MIA2: variants seen among roughly 807,000 people sequenced by gnomAD.
MIA2 encodes the protein melanoma inhibitory activity protein 2.
A neutral mutation model predicts 167.8 loss-of-function variants in MIA2; 127 were observed. The ratio of observed to expected loss-of-function variants is 0.76; its 90% CI spans 0.66 to 0.88. The LOEUF is 0.88. Ranked by LOEUF, MIA2 falls within the 40% of genes least tolerant of loss-of-function variation. The pLI, the probability that MIA2 is intolerant of heterozygous loss-of-function variation, is 0.00. For synonymous variants in MIA2, 552 were observed against 541.9 expected (o/e 1.02, Z -0.26); for missense variants, 1,690 against 1,624.7 (o/e 1.04, Z -0.69).
chr14:39,349,458 T>C (rs988796072), intron 28 of MIA2, among the ~76,000 whole-genome samples: 6 of 152,232 alleles, frequency 3.9e-5, no homozygotes, highest in Non-Finnish European at 5.9e-5. Flanking sequence ...TTGAATTCTT[T>C]TAAAGCTTCA....
chr14:39,350,373 A>G lies in MIA2; in HGVS notation c.*109A>G, dbSNP rs2074255774. ...TTTGCTCAAATTGAAGCTTAATGGAATTATAATTCTCAGGATAGTATTTTG... is the reference window on the plus strand; with the variant it reads ...TTTGCTCAAATTGAAGCTTAATGGAGTTATAATTCTCAGGATAGTATTTTG... On this transcript the variant is annotated 3_prime_UTR_variant, in exon 29 of 29. Coordinates refer to ENST00000640607, the MANE Select transcript of MIA2 (RefSeq NM_001329214.4). The G allele has an allele frequency of 7.5e-6, 4 of 532,498 alleles. No individual in the cohort carries two copies. Among genetic ancestry groups the G allele is most frequent in the Non-Finnish European group, 1.3e-5 (4 of 297,518 alleles). 33.0% of individuals were successfully genotyped at this position (532,498 alleles called of 1,614,324 possible). A position where few individuals can be genotyped will look rare whatever the true frequency, so the allele number is the denominator to read the frequency against.
intron 6 of MIA2, among the ~76,000 whole-genome samples, chr14:39,269,565 G>A (rs567027906): frequency 2.0e-5 from 3 of 151,732 alleles, no homozygotes; most frequent in African/African-American, 7.3e-5. Flanking sequence ...TGTCACCCAG[G>A]GGGGAGTGCA....
Position 39,347,819 on chromosome 14 carries a change from T to C in MIA2, c.3837+48T>C, listed in dbSNP as rs1454452340. 146 of 123,974 alleles carry C rather than the reference T, an allele frequency of 1.2e-3. 1 individual carries two copies. The highest frequency in any genetic ancestry group is 0.011 in the Admixed American group (41 of 3,648). 7.7% of individuals were successfully genotyped at this position (123,974 alleles called of 1,614,324 possible). On this transcript the variant is annotated intron_variant, in intron 27 of 28. Coordinates refer to ENST00000640607, the MANE Select transcript of MIA2 (RefSeq NM_001329214.4). ...TGTATGCATGTATTCAGAAGCCTTC[T>C]TTTTTTTTTTTTTTTTTTTTTTATG...
In MIA2 at chr14:39,350,633, T is replaced by G. The variant is rs190381932; in HGVS notation, c.*369T>G. 6.0e-6 allele frequency: 1 copy of G among 166,500 alleles called. No individual in the cohort carries two copies. The highest frequency in any genetic ancestry group is 1.3e-5 in the Non-Finnish European group (1 of 77,720). The allele number at this position is 166,500 out of a possible 1,614,324, so 10.3% of individuals were successfully genotyped here. ...GAAAGTAACTTTATGCTTAAATAAATTATAGTTGATTTAAAGATTTGTTTG... is the reference window on the plus strand; with the variant it reads ...GAAAGTAACTTTATGCTTAAATAAAGTATAGTTGATTTAAAGATTTGTTTG... On this transcript the variant is annotated 3_prime_UTR_variant, in exon 29 of 29. Transcript: ENST00000640607.
chr14:39,357,126 T>TGG (rs2074549717), intron 23 of MIA2, among the ~76,000 whole-genome samples: 1 of 152,172 alleles, frequency 6.6e-6, no homozygotes, highest in African/African-American at 2.4e-5. Flanking sequence ...TCTGTCTCGT[T>TGG]GATCTGTCTA....
intron 25 of MIA2, among the ~76,000 whole-genome samples, chr14:39,328,042 C>T (rs2067938459): frequency 6.6e-6 from 1 of 152,178 alleles, no homozygotes; most frequent in Non-Finnish European, 1.5e-5. Context: ...GAGGAATCGC[C>T]ACACTGTCTT....
intron 23 of MIA2, among the ~76,000 whole-genome samples, chr14:39,384,402 G>A (rs775983330): frequency 7.9e-5 from 12 of 152,302 alleles, no homozygotes; most frequent in Admixed American, 1.3e-4. Flanking sequence ...AAGGAGCTCT[G>A]ATGGAGATGT....
rs760953477 is a variant in MIA2 at position 39,314,727 on chromosome 14, C to T, written c.3120-12C>T. On this transcript the variant is annotated splice_polypyrimidine_tract_variant and intron_variant, in intron 19 of 28. Coordinates refer to ENST00000640607, the MANE Select transcript of MIA2 (RefSeq NM_001329214.4). ...ATATGTTAATAGTAGAATAATTATT[C>T]GTTCCATTTAGAAAGCGAGCCAAAG... 1.3e-5 allele frequency: 19 copies of T among 1,512,000 alleles called. No individual in the cohort carries two copies. Among genetic ancestry groups the T allele is most frequent in the East Asian group, 2.6e-5 (1 of 38,458 alleles). The allele number at this position is 1,512,000 out of a possible 1,614,324, so 93.7% of individuals were successfully genotyped here.
intron 23 of MIA2, chr14:39,385,367 A>G (rs2075255095): frequency 5.0e-6 from 5 of 994,784 alleles, no homozygotes; most frequent in Non-Finnish European, 8.0e-6. Context: ...CAAACAAGAC[A>G]TTCATAAACT....
At chr14:39,381,337 T>G (rs1595967565) in intron 23 of MIA2, among the ~76,000 whole-genome samples, 1 of 152,218 alleles carries the variant, frequency 6.6e-6, no homozygotes, top group African/African-American at 2.4e-5. Context: ...CATAAAGGCC[T>G]TTTAAATACA....
At chr14:39,346,159 C>T (rs748717618) in intron 26 of MIA2, 133 bp downstream of exon 26, 2 of 735,140 alleles carry the variant, frequency 2.7e-6, no homozygotes, top group Non-Finnish European at 2.3e-6. Context: ...CTGAAAATGT[C>T]CTGGTTTTAT....
chr14:39,282,936 T>C (rs1594994635), intron 9 of MIA2, among the ~76,000 whole-genome samples: 1 of 152,356 alleles, frequency 6.6e-6, no homozygotes, highest in South Asian at 2.1e-4. Flanking sequence ...TTTTGTTCTC[T>C]ATCTCTATAT....
intron 6 of MIA2, chr14:39,267,078 A>G (rs1234194632): frequency 3.7e-6 from 4 of 1,080,586 alleles, no homozygotes; most frequent in African/African-American, 3.4e-5. Flanking sequence ...CGACCCGGAC[A>G]CGTCTGCGAA....
chr14:39,312,965 C>A (rs1216279421), intron 18 of MIA2, among the ~76,000 whole-genome samples: 1 of 151,990 alleles, frequency 6.6e-6, no homozygotes, highest in Non-Finnish European at 1.5e-5. Flanking sequence ...ATTAACGAAA[C>A]ACATTTTATT....
intron 3 of MIA2, among the ~76,000 whole-genome samples, chr14:39,241,866 C>T (rs1286856882): frequency 6.6e-6 from 1 of 152,134 alleles, no homozygotes; most frequent in African/African-American, 2.4e-5. Flanking sequence ...GTCTCTGGTG[C>T]CACTCTCCCC....
intron 14 of MIA2, among the ~76,000 whole-genome samples, chr14:39,300,560 A>T (rs1454394315): frequency 1.3e-5 from 2 of 150,518 alleles, no homozygotes; most frequent in Admixed American, 6.6e-5. Context: ...TTACACAGTG[A>T]TGTGGATGTT....
intron 12 of MIA2, 108 bp from the exon 13 acceptor site, chr14:39,294,817 T>C: frequency 2.7e-6 from 2 of 742,712 alleles, no homozygotes; most frequent in Non-Finnish European, 4.7e-6. Context: ...GCTGTTAATA[T>C]TGGCATGGTT....
At chr14:39,259,850 C>T (rs1271440914) in intron 6 of MIA2, among the ~76,000 whole-genome samples, 2 of 152,030 alleles carry the variant, frequency 1.3e-5, no homozygotes, top group African/African-American at 2.4e-5. Context: ...AATGCTATCC[C>T]TCTCCTATCC....
At chr14:39,354,347 G>C (rs186544639), downstream of MIA2, among the ~76,000 whole-genome samples, 3 of 152,290 alleles carry the variant, frequency 2.0e-5, no homozygotes, top group African/African-American at 7.2e-5. Flanking sequence ...GTGTCTGTAG[G>C]CTGCATAAAT....
Sources: allele counts gnomAD v4.1 joint callset (sites outside exome capture counted in the v4.1 genomes callset), GRCh38; gene constraint gnomAD v4.1.1; transcripts MANE v1.5; gene names NCBI Gene and HGNC (gene_info 2026-07-23, HGNC 2026-07-21).